CSF2RA: variants seen among roughly 807,000 people sequenced by gnomAD.
CSF2RA encodes the protein colony stimulating factor 2 receptor subunit alpha, also known as granulocyte-macrophage colony-stimulating factor receptor subunit alpha.
Under a neutral mutation model 51.6 loss-of-function variants are expected in CSF2RA, and 42 were observed. That is an observed-to-expected ratio of 0.81 (90% confidence interval 0.64 to 1.05). The LOEUF is 1.05. CSF2RA is among the 50% of genes least tolerant of loss of function. The pLI, the probability that CSF2RA is intolerant of heterozygous loss-of-function variation, is 0.00. For synonymous variants in CSF2RA, 222 were observed against 193.0 expected, an observed-to-expected ratio of 1.15 and a Z score of -1.24; for missense variants, 530 against 501.1, an observed-to-expected ratio of 1.06 and a Z score of -0.55.
rs112613631 is a variant in CSF2RA, at chrX:1,286,530, T to C, written c.219+610T>C. 2.0e-5 allele frequency among the ~76,000 whole-genome samples: 3 copies of C among 151,250 alleles called. No individual in the cohort carries two copies. The South Asian group carries it at 6.2e-4, about 31-fold the overall frequency. Reference sequence around the variant, plus strand: ...GTTGCGGTGAGCCGAGATGGTGCCATTGCACTCCAGCCTGGGCAACAAGAG... The same window carrying C: ...GTTGCGGTGAGCCGAGATGGTGCCACTGCACTCCAGCCTGGGCAACAAGAG... On this transcript the variant is annotated intron_variant, in intron 4 of 12. Coordinates refer to ENST00000381529, the MANE Select transcript of CSF2RA (RefSeq NM_172245.4).
At chrX:1,302,763 G>C (rs138141443) in intron 10 of CSF2RA, 1,038 of 311,924 alleles carry the variant, frequency 3.3e-3, no homozygotes, top group Non-Finnish European at 4.4e-3. Flanking sequence ...GCACGATCTT[G>C]GCTCACTGCA....
the CSF2RA span, among the ~76,000 whole-genome samples, chrX:1,319,822 C>A: frequency 6.7e-6 from 1 of 148,522 alleles, no homozygotes; most frequent in Non-Finnish European, 1.5e-5. Flanking sequence ...TCAAGCGATT[C>A]TCCTACCTCA....
At chrX:1,280,128 A>G (rs1188291535) in intron 2 of CSF2RA, among the ~76,000 whole-genome samples, 2 of 152,068 alleles carry the variant, frequency 1.3e-5, no homozygotes, top group African/African-American at 4.8e-5. Flanking sequence ...TTGGAGCAGG[A>G]ACCTCAGGGT....
At chrX:1,315,867 G>C in the CSF2RA span, among the ~76,000 whole-genome samples, 3 of 143,240 alleles carry the variant, frequency 2.1e-5, no homozygotes, top group African/African-American at 7.9e-5. Flanking sequence ...TGGATGAATG[G>C]ATAGATGACA....
chrX:1,304,644 G>GTTTT (rs34201069), intron 11 of CSF2RA, among the ~76,000 whole-genome samples: 13 of 117,116 alleles, frequency 1.1e-4, no homozygotes, highest in African/African-American at 2.0e-4. Flanking sequence ...TTGGAGGTGG[G>GTTTT]TTTTTTTTTG....
At chrX:1,314,317 C>T (rs1300846177), downstream of CSF2RA, among the ~76,000 whole-genome samples, 36 of 131,418 alleles carry the variant, frequency 2.7e-4, no homozygotes, top group East Asian at 7.4e-4. Context: ...GCCTGCCCAA[C>T]CACACTGCAC....
At chrX:1,308,558 C>G (rs2083908832) in intron 12 of CSF2RA, among the ~76,000 whole-genome samples, 1 of 152,072 alleles carries the variant, frequency 6.6e-6, no homozygotes, top group Admixed American at 6.6e-5. Context: ...TGTCTTCCTC[C>G]CATGGGGAAC....
At chrX:1,299,366 G>C (rs1286647848) in intron 9 of CSF2RA, among the ~76,000 whole-genome samples, 1 of 152,112 alleles carries the variant, frequency 6.6e-6, no homozygotes, top group Non-Finnish European at 1.5e-5. Flanking sequence ...AATATCCCTT[G>C]CTAAACTATC....
downstream of CSF2RA, among the ~76,000 whole-genome samples, chrX:1,314,013 AAAATT>A (rs1384265828): frequency 6.6e-6 from 1 of 151,978 alleles, no homozygotes; most frequent in Non-Finnish European, 1.5e-5. Flanking sequence ...TAAATAAAAT[AAAATT>A]AAATTAAAAT....
At chrX:1,313,268 C>CAAA (rs1166611540), downstream of CSF2RA, among the ~76,000 whole-genome samples, 1 of 149,044 alleles carries the variant, frequency 6.7e-6, no homozygotes, top group African/African-American at 2.5e-5. Flanking sequence ...ACTACAAATA[C>CAAA]AAAAAAAAAA....
chrX:1,284,152 C>T (rs1232057591), intron 3 of CSF2RA, among the ~76,000 whole-genome samples: 3 of 150,336 alleles, frequency 2.0e-5, no homozygotes, highest in African/African-American at 7.4e-5. Flanking sequence ...GGATAAAGAG[C>T]CTTTGCCTGT....
At chrX:1,273,011 C>T (rs2088653214) in intron 1 of CSF2RA, among the ~76,000 whole-genome samples, 1 of 147,586 alleles carries the variant, frequency 6.8e-6, no homozygotes, top group Admixed American at 6.8e-5. Context: ...GTAGAGACAA[C>T]ATTTCACCAG....
intron 2 of CSF2RA, among the ~76,000 whole-genome samples, chrX:1,281,003 C>CCTTCTTCTCCTCCTCCTCCTTCTCCTG (rs2089923609): frequency 8.3e-6 from 1 of 120,662 alleles, no homozygotes; most frequent in African/African-American, 3.0e-5. Context: ...TTCTCCTCCT[C>CCTTCTTCTCCTCCTCCTCCTTCTCCTG]CTCCTTCTCC....
intron 1 of CSF2RA, among the ~76,000 whole-genome samples, chrX:1,273,573 A>G (rs1426317030): frequency 6.7e-6 from 1 of 149,816 alleles, no homozygotes; most frequent in Non-Finnish European, 1.5e-5. Flanking sequence ...AGGTGATCCA[A>G]CCGCCTCGGC....
At chrX:1,274,856 G>A (rs2088958748) in intron 2 of CSF2RA, 38 bp downstream of exon 2, 1 of 453,070 alleles carries the variant, frequency 2.2e-6, no homozygotes, top group Admixed American at 2.4e-5. Context: ...ATGTGGTTGG[G>A]GATTTTCTTT....
chrX:1,320,827 T>C, the CSF2RA span, among the ~76,000 whole-genome samples: 1 of 150,854 alleles, frequency 6.6e-6, no homozygotes, highest in South Asian at 2.1e-4. Context: ...GTCAACCTTA[T>C]GATCTCTGTT....
At chrX:1,289,413 G>C (rs2091114940) in intron 6 of CSF2RA, among the ~76,000 whole-genome samples, 1 of 152,226 alleles carries the variant, frequency 6.6e-6, no homozygotes. Flanking sequence ...ACAGGCGTGA[G>C]CCACTGCACC....
Position 1,274,783 on chromosome X carries a change from C to CAGGA in CSF2RA, c.-60_-59insGAAG. ...ACAGCAGGAAAATCCGTGGAGACAG[C>CAGGA]AGATCCGAGAAGCGGCGATGTTTGC... On this transcript the variant is annotated 5_prime_UTR_variant, in exon 2 of 13. An upstream open reading frame in the 5' UTR loses its in-frame stop. Transcript: ENST00000381529. The CAGGA allele has an allele frequency of 2.2e-6, 1 of 453,460 alleles. No individual in the cohort carries two copies. The highest frequency in any genetic ancestry group is 4.4e-6 in the Non-Finnish European group (1 of 226,690). 28.1% of individuals were successfully genotyped at this position (453,460 alleles called of 1,614,324 possible).
At chrX:1,280,033 G>A (rs1365834983) in intron 2 of CSF2RA, among the ~76,000 whole-genome samples, 4 of 151,770 alleles carry the variant, frequency 2.6e-5, no homozygotes, top group South Asian at 2.1e-4. Flanking sequence ...CAGGCGATCC[G>A]CCTGCCTTGG....
Sources: gnomAD v4.1 joint callset for allele counts (sites outside exome capture counted in the v4.1 genomes callset) on GRCh38, gnomAD v4.1.1 for gene constraint, MANE v1.5 for transcripts, NCBI Gene and HGNC (gene_info 2026-07-23, HGNC 2026-07-21) for gene names.